Variants in ANO3 observed in about 807,000 individuals in gnomAD.
The protein encoded by ANO3 is anoctamin 3.
In ANO3, 99 loss-of-function variants were observed where a neutral mutation model predicts 144.8. The observed-to-expected ratio is 0.68, with a 90% confidence interval of 0.58 to 0.81. The LOEUF is 0.81. Ranked by LOEUF, ANO3 falls within the 30% of genes least tolerant of loss-of-function variation. The pLI is 0.00. For synonymous variants in ANO3, 414 were observed against 392.6 expected, an observed-to-expected ratio of 1.05 and a Z score of -0.64; for missense variants, 905 against 1,202.2, an observed-to-expected ratio of 0.75 and a Z score of 3.66.
At chr11:26,611,212 G>A (rs1205813453) in intron 17 of ANO3, among the ~76,000 whole-genome samples, 2 of 151,820 alleles carry the variant, frequency 1.3e-5, no homozygotes, top group Middle Eastern at 3.2e-3. Context: ...GCATGGTCAG[G>A]TTATTGGGAA....
At chr11:26,653,644 C>G (rs1333066104) in intron 24 of ANO3, among the ~76,000 whole-genome samples, 1 of 151,846 alleles carries the variant, frequency 6.6e-6, no homozygotes, top group Non-Finnish European at 1.5e-5. Flanking sequence ...CCCTTTGTTT[C>G]CACCACCACC....
intron 1 of ANO3, among the ~76,000 whole-genome samples, chr11:26,199,137 G>A (rs983980024): frequency 6.6e-6 from 1 of 151,602 alleles, no homozygotes; most frequent in Non-Finnish European, 1.5e-5. Context: ...TTCAAGGCCT[G>A]GTAACATTAA....
intron 1 of ANO3, among the ~76,000 whole-genome samples, chr11:26,370,948 C>T: frequency 6.6e-6 from 1 of 152,138 alleles, no homozygotes; most frequent in East Asian, 1.9e-4. Flanking sequence ...AAAAGAAAAA[C>T]CCATTTTTGG....
chr11:26,467,242 A>T (rs1252702169), intron 4 of ANO3, among the ~76,000 whole-genome samples: 4 of 151,966 alleles, frequency 2.6e-5, no homozygotes, highest in Non-Finnish European at 5.9e-5. Context: ...TAATAATTAC[A>T]TTGGGATAAA....
At chr11:26,372,686 C>G (rs1856295027) in intron 1 of ANO3, among the ~76,000 whole-genome samples, 1 of 152,034 alleles carries the variant, frequency 6.6e-6, no homozygotes, top group South Asian at 2.1e-4. Context: ...AATTTTGATA[C>G]TCAGGAAGTT....
intron 1 of ANO3, among the ~76,000 whole-genome samples, chr11:26,270,693 C>T (rs555313723): frequency 2.4e-4 from 36 of 152,248 alleles, no homozygotes; most frequent in African/African-American, 7.9e-4. Context: ...GAATAAGCTA[C>T]ATCTGAATAA....
Position 26,313,871 on chromosome 11 carries a change from T to TAATATAATATAATATAA in ANO3, c.-3+4152_-3+4153insAATATAATATAATATAA, listed in dbSNP as rs538408484. 1.2e-3 allele frequency among the ~76,000 whole-genome samples: 184 copies of TAATATAATATAATATAA among 147,518 alleles called. 1 individual carries two copies. The highest frequency in any genetic ancestry group is 4.4e-3 in the African/African-American group (178 of 40,280). On this transcript the variant is annotated intron_variant, in intron 1 of 26. Transcript: ENST00000525139. Reference sequence around the variant, plus strand: ...CTTAATATTTAAATGAAATTAAATATTATAATATAATATAATATAATATAA... The same window carrying TAATATAATATAATATAA: ...CTTAATATTTAAATGAAATTAAATATAATATAATATAATATAATATAATATAATATAATATAATATAA...
chr11:26,356,043 C>T (rs984534554), intron 1 of ANO3, among the ~76,000 whole-genome samples: 4 of 152,086 alleles, frequency 2.6e-5, no homozygotes, highest in Non-Finnish European at 5.9e-5. Flanking sequence ...CTTTCTCATG[C>T]TACTATAAAG....
chr11:26,431,529 A>C (rs1444223739), intron 1 of ANO3, among the ~76,000 whole-genome samples: 2 of 152,150 alleles, frequency 1.3e-5, no homozygotes, highest in East Asian at 3.9e-4. Context: ...AGTACCCAAT[A>C]GTTATTTTTG....
intron 1 of ANO3, among the ~76,000 whole-genome samples, chr11:26,441,106 GTTTTTTTTTTTTTTTT>G (rs1022676698): frequency 4.6e-5 from 4 of 86,552 alleles, no homozygotes; most frequent in African/African-American, 2.0e-4. Context: ...TTGCTGCCCA[GTTTTTTTTTTTTTTTT>G]TTTTTTTTTT....
intron 1 of ANO3, among the ~76,000 whole-genome samples, chr11:26,286,981 A>G (rs1564949461): frequency 6.6e-6 from 1 of 152,200 alleles, no homozygotes; most frequent in Non-Finnish European, 1.5e-5. Context: ...TAAACTTAAC[A>G]AAGTGTTATA....
intron 1 of ANO3, among the ~76,000 whole-genome samples, chr11:26,385,633 T>G (rs1856703745): frequency 6.6e-6 from 1 of 152,086 alleles, no homozygotes; most frequent in African/African-American, 2.4e-5. Flanking sequence ...ACTGTGACTC[T>G]GCCTATTAAT....
intron 9 of ANO3, among the ~76,000 whole-genome samples, chr11:26,536,760 A>G (rs1045458066): frequency 2.0e-5 from 3 of 152,142 alleles, no homozygotes; most frequent in African/African-American, 7.2e-5. Flanking sequence ...TGATTGTGCT[A>G]TAAAAATTAA....
At chr11:26,238,132 G>T (rs1210203806) in intron 1 of ANO3, among the ~76,000 whole-genome samples, 1 of 152,028 alleles carries the variant, frequency 6.6e-6, no homozygotes, top group Non-Finnish European at 1.5e-5. Context: ...GTGTGCATGG[G>T]CATGAATGCA....
chr11:26,398,187 T>C (rs995799748), intron 1 of ANO3, among the ~76,000 whole-genome samples: 1 of 152,120 alleles, frequency 6.6e-6, no homozygotes, highest in African/African-American at 2.4e-5. Flanking sequence ...AGAGTGTACC[T>C]AAACTCATGG....
intron 1 of ANO3, among the ~76,000 whole-genome samples, chr11:26,419,731 G>T (rs2133996128): frequency 6.6e-6 from 1 of 152,180 alleles, no homozygotes; most frequent in Middle Eastern, 3.4e-3. Context: ...AGTACGTATT[G>T]TTAAGAGAAC....
chr11:26,330,499 A>G (rs1341842450), upstream of ANO3, among the ~76,000 whole-genome samples: 2 of 152,120 alleles, frequency 1.3e-5, no homozygotes, highest in Non-Finnish European at 2.9e-5. Flanking sequence ...TTCTGGAAAG[A>G]CCATTATGAT....
chr11:26,257,246 C>T (rs1176049980), intron 1 of ANO3, among the ~76,000 whole-genome samples: 1 of 151,936 alleles, frequency 6.6e-6, no homozygotes, highest in Non-Finnish European at 1.5e-5. Context: ...ACTGGACTTA[C>T]CTAATTTTGT....
intron 1 of ANO3, among the ~76,000 whole-genome samples, chr11:26,198,361 C>A (rs1389721088): frequency 6.6e-6 from 1 of 152,058 alleles, no homozygotes; most frequent in Non-Finnish European, 1.5e-5. Context: ...TCTTGTAGCA[C>A]CCATGAGCTG....
Sources: gnomAD v4.1 joint callset for allele counts (sites outside exome capture counted in the v4.1 genomes callset) on GRCh38, gnomAD v4.1.1 for gene constraint, MANE v1.5 for transcripts, NCBI Gene and HGNC (gene_info 2026-07-23, HGNC 2026-07-21) for gene names.